Variants in SCAPER observed in about 807,000 individuals in gnomAD.
The protein encoded by SCAPER is S phase cyclin A-associated protein in the endoplasmic reticulum.
Under a neutral mutation model 182.2 loss-of-function variants are expected in SCAPER, and 98 were observed. The ratio of observed to expected loss-of-function variants is 0.54; its 90% CI spans 0.46 to 0.64. The LOEUF (loss-of-function observed/expected upper bound fraction) is 0.64. SCAPER is among the 30% of genes least tolerant of loss of function. The pLI is 0.00. For missense variants in SCAPER, 1,432 were observed against 1,690.0 expected (o/e 0.85, Z 2.68); for synonymous variants, 605 against 564.6 (o/e 1.07, Z -1.01).
chr15:76,416,942 C>T (rs1031497453), intron 26 of SCAPER, among the ~76,000 whole-genome samples: 30 of 151,832 alleles, frequency 2.0e-4, no homozygotes, highest in African/African-American at 7.3e-4. Flanking sequence ...TGGCTTGCAC[C>T]TGTAATCCCA....
chr15:76,482,853 T>C (rs1244038415), intron 24 of SCAPER, among the ~76,000 whole-genome samples: 1 of 152,066 alleles, frequency 6.6e-6, no homozygotes, highest in East Asian at 1.9e-4. Context: ...TGGATGAAAT[T>C]AAAGATCTAA....
chr15:76,673,385 G>A (rs1176018455), intron 20 of SCAPER, among the ~76,000 whole-genome samples: 2 of 152,170 alleles, frequency 1.3e-5, no homozygotes, highest in East Asian at 3.9e-4. Context: ...TTAAAAGATG[G>A]GGAGAATGGG....
At chr15:76,831,689 T>C (rs2068500814) in intron 5 of SCAPER, among the ~76,000 whole-genome samples, 1 of 152,012 alleles carries the variant, frequency 6.6e-6, no homozygotes, top group South Asian at 2.1e-4. Flanking sequence ...TACTCTCCCA[T>C]GACCCCTTCC....
At chr15:76,567,409 G>C (rs1180153230) in intron 23 of SCAPER, 2 of 437,646 alleles carry the variant, frequency 4.6e-6, no homozygotes, top group Non-Finnish European at 9.1e-6. Flanking sequence ...TATATACCTA[G>C]AAGTGAAATA....
intron 28 of SCAPER, 156 bp downstream of exon 28, chr15:76,381,222 G>A (rs1232506224): frequency 4.9e-6 from 2 of 405,476 alleles, no homozygotes; most frequent in African/African-American, 4.2e-5. Flanking sequence ...ACAGTTCCCA[G>A]AAAATAGTAG....
chr15:76,621,019 A>C (rs991167534), intron 22 of SCAPER, among the ~76,000 whole-genome samples: 3 of 152,160 alleles, frequency 2.0e-5, no homozygotes, highest in African/African-American at 7.2e-5. Context: ...TTAAAAAAAA[A>C]TTTTTAAAAG....
chr15:76,429,103 T>G (rs2046676696), intron 26 of SCAPER, among the ~76,000 whole-genome samples: 1 of 151,786 alleles, frequency 6.6e-6, no homozygotes, highest in South Asian at 2.1e-4. Flanking sequence ...GGAATTCCCT[T>G]GCACAAACTC....
intron 29 of SCAPER, among the ~76,000 whole-genome samples, chr15:76,368,229 G>A (rs2041930908): frequency 6.6e-6 from 1 of 152,196 alleles, no homozygotes; most frequent in Non-Finnish European, 1.5e-5. Flanking sequence ...GTGTGACCTA[G>A]GACTGACCAT....
intron 24 of SCAPER, among the ~76,000 whole-genome samples, chr15:76,492,973 G>C (rs1225843120): frequency 6.6e-6 from 1 of 150,766 alleles, no homozygotes; most frequent in Non-Finnish European, 1.5e-5. Flanking sequence ...GTGATGACTA[G>C]TGCAAACCTA....
At chr15:76,612,979 A>G (rs1172639704) in intron 22 of SCAPER, among the ~76,000 whole-genome samples, 1 of 152,256 alleles carries the variant, frequency 6.6e-6, no homozygotes, top group Non-Finnish European at 1.5e-5. Flanking sequence ...ATCCTAAGCG[A>G]AAAGAATAGC....
intron 25 of SCAPER, among the ~76,000 whole-genome samples, chr15:76,444,097 T>G (rs2047820595): frequency 6.6e-6 from 1 of 152,230 alleles, no homozygotes; most frequent in African/African-American, 2.4e-5. Flanking sequence ...CAGAGGGTCC[T>G]TTTCCACCAC....
intron 23 of SCAPER, among the ~76,000 whole-genome samples, chr15:76,547,204 A>T (rs1173497754): frequency 6.6e-6 from 1 of 152,156 alleles, no homozygotes; most frequent in Non-Finnish European, 1.5e-5. Context: ...TCCCATATTT[A>T]GTATTTTGAA....
intron 23 of SCAPER, among the ~76,000 whole-genome samples, chr15:76,556,899 T>G (rs1456600142): frequency 1.3e-5 from 2 of 152,090 alleles, no homozygotes; most frequent in East Asian, 3.8e-4. Context: ...ATAAACACCT[T>G]CAAGGAAGTG....
chr15:76,900,342 T>TAAAAAAAAA (rs56677318), intron 1 of SCAPER, among the ~76,000 whole-genome samples: 1 of 59,112 alleles, frequency 1.7e-5, no homozygotes, highest in African/African-American at 6.3e-5. Flanking sequence ...CAATAAATAC[T>TAAAAAAAAA]AAAAAAAAAA....
In SCAPER at chr15:76,601,836, T is replaced by C. The variant is rs1227228146; in HGVS notation, c.2711+19928A>G. On this transcript the variant is annotated intron_variant, in intron 22 of 31. Coordinates refer to ENST00000563290, the MANE Select transcript of SCAPER (RefSeq NM_020843.4). ...TATCACTGCTGTCATTCATTTCACATAGAAATAAATATACAGTCATCCCTT... is the reference window on the plus strand; with the variant it reads ...TATCACTGCTGTCATTCATTTCACACAGAAATAAATATACAGTCATCCCTT... Among the ~76,000 whole-genome samples the C allele has an allele frequency of 2.5e-5, 3 of 121,370 alleles. 1 individual carries two copies. The highest frequency in any genetic ancestry group is 4.4e-4 in the East Asian group (2 of 4,538). 79.6% of individuals were successfully genotyped at this position (121,370 alleles called of 152,430 possible). A position where few individuals can be genotyped will look rare whatever the true frequency, so the allele number is the denominator to read the frequency against.
intron 14 of SCAPER, among the ~76,000 whole-genome samples, chr15:76,755,636 A>C (rs1172571531): frequency 1.3e-5 from 2 of 152,198 alleles, no homozygotes; most frequent in Non-Finnish European, 2.9e-5. Context: ...TAAGATCCTT[A>C]TGTAATCTCC....
chr15:76,535,877 G>A (rs2044116860), intron 23 of SCAPER, among the ~76,000 whole-genome samples: 1 of 152,158 alleles, frequency 6.6e-6, no homozygotes, highest in African/African-American at 2.4e-5. Context: ...AGTAGTCATA[G>A]GGTCTTAGGA....
intron 9 of SCAPER, among the ~76,000 whole-genome samples, chr15:76,773,647 AG>A (rs2151328518): frequency 6.6e-6 from 1 of 152,084 alleles, no homozygotes; most frequent in African/African-American, 2.4e-5. Flanking sequence ...AATCTCACAC[AG>A]GCATAAAACC....
chr15:76,535,171 T>C (rs1347080172), intron 23 of SCAPER, among the ~76,000 whole-genome samples: 1 of 152,154 alleles, frequency 6.6e-6, no homozygotes, highest in Non-Finnish European at 1.5e-5. Context: ...TAATTTTTCA[T>C]GCCCATGACA....
Sources: allele counts gnomAD v4.1 joint callset (sites outside exome capture counted in the v4.1 genomes callset), GRCh38; gene constraint gnomAD v4.1.1; transcripts MANE v1.5; gene names NCBI Gene and HGNC (gene_info 2026-07-23, HGNC 2026-07-21).